Variants in ZRANB2 observed in about 807,000 individuals in gnomAD.
ZRANB2 encodes the protein zinc finger RANBP2-type containing 2.
ZRANB2 carries 19 observed loss-of-function variants against 53.4 expected under a neutral mutation model. That is an observed-to-expected ratio of 0.36 (90% CI 0.25 to 0.52). ZRANB2 has a LOEUF of 0.52. Ranked by LOEUF, ZRANB2 falls within the 20% of genes least tolerant of loss-of-function variation. The probability of loss-of-function intolerance (pLI) is 0.93; values close to 1 mark genes in which losing one functional copy is unlikely to be tolerated. For synonymous variants in ZRANB2, 145 were observed against 134.8 expected, an observed-to-expected ratio of 1.08 and a Z score of -0.52; for missense variants, 309 against 401.1, an observed-to-expected ratio of 0.77 and a Z score of 1.96.
chr1:71,064,513 A>G lies in ZRANB2; in HGVS notation c.*561T>C, dbSNP rs1661377379. The G allele has an allele frequency of 6.6e-6, 1 of 152,512 alleles. No homozygotes were observed. Among genetic ancestry groups the G allele is most frequent in the African/African-American group, 2.4e-5 (1 of 41,442 alleles). The allele number at this position is 152,512 out of a possible 1,614,324, so 9.4% of individuals were successfully genotyped here. Reference sequence around the variant, plus strand: ...CATTAAATGTGGAGCAAAAAAGTAAAGCTGGATAAAAGAGACACAATGATT... The same window carrying G: ...CATTAAATGTGGAGCAAAAAAGTAAGGCTGGATAAAAGAGACACAATGATT... On this transcript the variant is annotated 3_prime_UTR_variant, in exon 10 of 10. Transcript: ENST00000370920.
intron 8 of ZRANB2, among the ~76,000 whole-genome samples, chr1:71,068,134 G>A (rs964340162): frequency 6.6e-6 from 1 of 152,046 alleles, no homozygotes; most frequent in Admixed American, 6.6e-5. Flanking sequence ...CAAGGTATTG[G>A]GATTACAGGC....
At chr1:71,069,480 A>T (rs1455514253) in intron 7 of ZRANB2, 118 bp from the exon 8 acceptor site, 6 of 633,910 alleles carry the variant, frequency 9.5e-6, no homozygotes, top group Admixed American at 3.1e-5. Flanking sequence ...ATAACTATAC[A>T]AGATATATAC....
rs186135089 is a variant in ZRANB2 at position 71,078,198 on chromosome 1, T to C, written c.218+259A>G. ...ACTTTTAAGTACCACCACCCCCCGA[T>C]TGGTTTTGAGCTTACCATAAGCATT... is the stretch of plus-strand genomic sequence containing the variant. On this transcript the variant is annotated intron_variant, in intron 3 of 9. Coordinates refer to ENST00000370920, the MANE Select transcript of ZRANB2 (RefSeq NM_203350.3). Among the ~76,000 whole-genome samples the C allele has an allele frequency of 9.6e-4, 146 of 152,300 alleles. 1 individual carries two copies. Among genetic ancestry groups the C allele is most frequent in the African/African-American group, 3.2e-3 (131 of 41,572 alleles).
chr1:71,075,115 A>G (rs950745554), intron 4 of ZRANB2, among the ~76,000 whole-genome samples: 3 of 152,226 alleles, frequency 2.0e-5, no homozygotes, highest in African/African-American at 7.2e-5. Context: ...AAACTGTTAA[A>G]AAGATTTTAG....
intron 9 of ZRANB2, chr1:71,065,781 G>A (rs754671148): frequency 1.3e-4 from 215 of 1,611,036 alleles, no homozygotes; most frequent in Non-Finnish European, 1.8e-4. Flanking sequence ...TGTTCATTAA[G>A]TTTAGATGAC....
intron 8 of ZRANB2, 107 bp from the exon 9 acceptor site, chr1:71,067,041 G>A: frequency 2.6e-6 from 3 of 1,145,282 alleles, no homozygotes; most frequent in Non-Finnish European, 2.4e-6. Context: ...TAACAACTAT[G>A]AAAATTTTAT....
intron 9 of ZRANB2, 44 bp from the exon 10 acceptor site, chr1:71,065,181 G>A: frequency 6.9e-7 from 1 of 1,455,484 alleles, no homozygotes; most frequent in Non-Finnish European, 9.6e-7. Context: ...GTAAGCTAGA[G>A]CTAAATCTCA....
At chr1:71,065,993 T>A in intron 9 of ZRANB2, 1 of 394,104 alleles carries the variant, frequency 2.5e-6, no homozygotes, top group Non-Finnish European at 4.5e-6. Flanking sequence ...GTAGGAATCA[T>A]GAGATAATCC....
chr1:71,068,452 T>G (rs1288715968), intron 8 of ZRANB2, among the ~76,000 whole-genome samples: 1 of 152,214 alleles, frequency 6.6e-6, no homozygotes, highest in Non-Finnish European at 1.5e-5. Flanking sequence ...TCTTTCAAAT[T>G]ATGTTTCCCT....
Position 71,066,701 on chromosome 1 carries a change from C to T in ZRANB2, c.929+75G>A, listed in dbSNP as rs1661448341. The T allele has an allele frequency of 2.1e-5, 31 of 1,488,104 alleles. No homozygotes were observed. In the South Asian group the frequency reaches 4.2e-4, roughly 20 times the overall value. 92.2% of individuals were successfully genotyped at this position (1,488,104 alleles called of 1,614,324 possible). ...CACAAGAGATAATAAAAATCTAACC[C>T]TTGACTAGGAAAGTTTACTTTATCT... On this transcript the variant is annotated intron_variant, in intron 9 of 9. Coordinates refer to ENST00000370920, the MANE Select transcript of ZRANB2 (RefSeq NM_203350.3).
chr1:71,079,812 A>G (rs971251968), intron 1 of ZRANB2, among the ~76,000 whole-genome samples: 2 of 152,186 alleles, frequency 1.3e-5, no homozygotes, highest in African/African-American at 4.8e-5. Flanking sequence ...CGTTTTCAAT[A>G]ATGTCTTACC....
chr1:71,077,366 G>A (rs2101051395), intron 3 of ZRANB2, among the ~76,000 whole-genome samples: 1 of 152,178 alleles, frequency 6.6e-6, no homozygotes, highest in African/African-American at 2.4e-5. Context: ...TAAATTAACA[G>A]CTCCACTAAT....
rs201525423 is a variant in ZRANB2 at position 71,063,710 on chromosome 1, T to TA, written c.*1363dup. 40 of 152,512 alleles carry TA rather than the reference T, an allele frequency of 2.6e-4. No homozygotes were observed. In the East Asian group the frequency reaches 7.3e-3, roughly 28 times the overall value. 9.4% of individuals were successfully genotyped at this position (152,512 alleles called of 1,614,324 possible). The stretch of plus-strand genomic sequence containing the variant: ...AAAATATTATCAAAATATTTCTACA[T>TA]AAGATATCTTGCTTTCATTTTTAGA... On this transcript the variant is annotated 3_prime_UTR_variant, in exon 10 of 10. Coordinates refer to ENST00000370920, the MANE Select transcript of ZRANB2 (RefSeq NM_203350.3).
chr1:71,070,604 C>A (rs1661572197), intron 7 of ZRANB2, among the ~76,000 whole-genome samples: 1 of 151,884 alleles, frequency 6.6e-6, no homozygotes, highest in African/African-American at 2.4e-5. Flanking sequence ...AAGCATGAGG[C>A]TAAAATAGGT....
rs773408670 is a variant in ZRANB2, at chr1:71,070,911, C to G, written c.599G>C (p.Arg200Thr). ...EEDSNKKKSN[R>T]RSRSKSRSSH... ...AGATCGAGACTTTGAGCGACTTCGT[C>G]TATTAGATTTCTTTTTATTACTATC... The change falls in exon 7 of 10, where the codon AGA (arginine) becomes ACA (threonine). Residue 200 changes from arginine (R) to threonine (T), a missense_variant. By Grantham distance (71) the Arg-to-Thr change is moderately conservative. Coordinates refer to ENST00000370920, the MANE Select transcript of ZRANB2 (RefSeq NM_203350.3). 3.1e-6 allele frequency: 5 copies of G among 1,611,168 alleles called. No individual in the cohort carries two copies. The Admixed American group carries it at 8.4e-5, about 27-fold the overall frequency.
At chr1:71,073,801 G>C (rs1339350501) in intron 4 of ZRANB2, among the ~76,000 whole-genome samples, 1 of 143,682 alleles carries the variant, frequency 7.0e-6, no homozygotes, top group African/African-American at 2.6e-5. Context: ...TTAAGAGGCA[G>C]CAAAATAGTC....
In ZRANB2 at chr1:71,078,439, A is replaced by G. The variant is rs1557795148; in HGVS notation, c.218+18T>C. The G allele has an allele frequency of 6.2e-7, 1 of 1,601,972 alleles. No homozygotes were observed. The highest frequency in any genetic ancestry group is 1.7e-5 in the Admixed American group (1 of 59,478). On this transcript the variant is annotated intron_variant, in intron 3 of 9. Transcript: ENST00000370920. Reference sequence around the variant, plus strand: ...ATTATTTTGGAAGAAAGAGCAGACAATAATTTAAAAAACATACGTTTTACA... The same window carrying G: ...ATTATTTTGGAAGAAAGAGCAGACAGTAATTTAAAAAACATACGTTTTACA...
rs772939121 is a variant in ZRANB2 at position 71,069,351 on chromosome 1, C to T, written c.695G>A (p.Arg232Lys). 6.2e-7 allele frequency: 1 copy of T among 1,612,982 alleles called. No individual in the cohort carries two copies. Among genetic ancestry groups the T allele is most frequent in the Non-Finnish European group, 8.5e-7 (1 of 1,179,426 alleles). Residue 232 changes from arginine to lysine, a missense_variant, in exon 8 of 10, where the codon AGA (arginine) becomes AAA (lysine). By Grantham distance (26) the Arg-to-Lys change is conservative (BLOSUM62 2). This residue lies in a region of ZRANB2 where 211 missense variants were observed against 196.1 expected (regional missense o/e 1.08). Coordinates refer to ENST00000370920, the MANE Select transcript of ZRANB2 (RefSeq NM_203350.3). Reference protein sequence around the residue: ...SSRSRSRSRSRSSSSSQSRSR... With the variant: ...SSRSRSRSRSKSSSSSQSRSR... The stretch of plus-strand genomic sequence containing the variant: ...TCTTGACTGCGAACTGGAAGAACTT[C>T]TTGAACGGGACCTGGAACAACATGG...
intron 8 of ZRANB2, 66 bp from the exon 9 acceptor site, chr1:71,067,000 A>G: frequency 7.0e-7 from 1 of 1,430,880 alleles, no homozygotes; most frequent in Non-Finnish European, 9.3e-7. Flanking sequence ...TTATTTAGTT[A>G]TCAGATAGCT....
Sources: gnomAD v4.1 joint callset for allele counts (sites outside exome capture counted in the v4.1 genomes callset) on GRCh38, gnomAD v4.1.1 for gene constraint, gnomAD v4.1.1 regional missense constraint, MANE v1.5 for transcripts, NCBI Gene and HGNC (gene_info 2026-07-23, HGNC 2026-07-21) for gene names.